CTNNA2: variants seen among roughly 807,000 people sequenced by gnomAD.
CTNNA2 encodes catenin alpha 2.
Under a neutral mutation model 101.0 loss-of-function variants are expected in CTNNA2, and 42 were observed. That is an observed-to-expected ratio of 0.42 (90% confidence interval 0.32 to 0.54). CTNNA2 has a LOEUF of 0.54. Among genes scored for constraint, CTNNA2 ranks in the 20% least tolerant of loss-of-function variants. The pLI is 0.14. For missense variants in CTNNA2, 871 were observed against 1,223.1 expected (o/e 0.71, Z 4.29); for synonymous variants, 450 against 456.4 (o/e 0.99, Z 0.18).
chr2:79,805,977 A>G (rs1476124669), intron 3 of CTNNA2, among the ~76,000 whole-genome samples: 2 of 152,042 alleles, frequency 1.3e-5, no homozygotes, highest in Non-Finnish European at 2.9e-5. Context: ...AAGAAAGAAT[A>G]GCCTATAATT....
chr2:79,317,153 C>T (rs1162583710), intron 3 of CTNNA2, among the ~76,000 whole-genome samples: 1 of 151,976 alleles, frequency 6.6e-6, no homozygotes. Flanking sequence ...CTTCCTGCAT[C>T]TATTGGGATA....
intron 7 of CTNNA2, among the ~76,000 whole-genome samples, chr2:80,103,375 G>A (rs1053654922): frequency 7.9e-5 from 12 of 152,032 alleles, no homozygotes; most frequent in African/African-American, 2.7e-4. Context: ...GTCTTAGAAG[G>A]ACACGAGTCC....
At chr2:80,496,605 G>T (rs1451401030) in intron 9 of CTNNA2, among the ~76,000 whole-genome samples, 1 of 151,882 alleles carries the variant, frequency 6.6e-6, no homozygotes, top group Non-Finnish European at 1.5e-5. Flanking sequence ...TCTGGTCAGG[G>T]TAAAGATGAA....
Position 80,640,301 on chromosome 2 carries a change from T to A in CTNNA2, c.2575-7284T>A, listed in dbSNP as rs78404797. 2.0e-3 allele frequency among the ~76,000 whole-genome samples: 303 copies of A among 152,276 alleles called. 2 individuals carry two copies. Among genetic ancestry groups the A allele is most frequent in the African/African-American group, 6.5e-3 (271 of 41,570 alleles). ...AATAAGTTTCCTTTCCCACACTACT[T>A]AGCAGATTCTGAAGGAGCAAGGTGC... On this transcript the variant is annotated intron_variant, in intron 18 of 18. Transcript: ENST00000402739.
At chr2:79,496,737 ATAAC>A (rs769010925) in intron 4 of CTNNA2, among the ~76,000 whole-genome samples, 6 of 151,768 alleles carry the variant, frequency 4.0e-5, no homozygotes, top group Non-Finnish European at 2.9e-5. Context: ...TTATTTATCT[ATAAC>A]TACCCTTTGA....
At chr2:80,283,384 C>T (rs1417851497) in intron 7 of CTNNA2, among the ~76,000 whole-genome samples, 2 of 152,072 alleles carry the variant, frequency 1.3e-5, no homozygotes, top group African/African-American at 4.8e-5. Context: ...TCGATCATTA[C>T]AAATTGTATA....
rs1674292054 is a variant in CTNNA2 at position 80,647,994 on chromosome 2, C to T, written c.*122C>T. ...CTCTGGCATGGGGAAATTAAGGGAA[C>T]AGTGTCTGTTTGCATGTAAGATGAG... On this transcript the variant is annotated 3_prime_UTR_variant, in exon 19 of 19. Coordinates refer to ENST00000402739, the MANE Select transcript of CTNNA2 (RefSeq NM_001282597.3). The T allele has an allele frequency of 2.2e-6, 2 of 910,478 alleles. No individual in the cohort carries two copies. The highest frequency in any genetic ancestry group is 5.8e-5 in the Admixed American group (2 of 34,774). The allele number at this position is 910,478 out of a possible 1,614,324, so 56.4% of individuals were successfully genotyped here. A position where few individuals can be genotyped will look rare whatever the true frequency, so the allele number is the denominator to read the frequency against.
intron 7 of CTNNA2, among the ~76,000 whole-genome samples, chr2:79,922,271 C>A (rs1574318835): frequency 6.6e-6 from 1 of 152,098 alleles, no homozygotes; most frequent in African/African-American, 2.4e-5. Context: ...AAGAAGACAT[C>A]ATTTGCATAT....
intron 2 of CTNNA2, among the ~76,000 whole-genome samples, chr2:79,711,933 T>C (rs1685765421): frequency 6.6e-6 from 1 of 152,174 alleles, no homozygotes; most frequent in Non-Finnish European, 1.5e-5. Context: ...TTTAAAAAGA[T>C]AGATAGCATT....
chr2:80,468,424 A>G (rs1195973474), intron 9 of CTNNA2, among the ~76,000 whole-genome samples: 2 of 150,374 alleles, frequency 1.3e-5, no homozygotes, highest in African/African-American at 5.0e-5. Flanking sequence ...TTATTTATTT[A>G]TTTATTTTTT....
chr2:79,502,796 C>T (rs1671334243), intron 4 of CTNNA2, among the ~76,000 whole-genome samples: 1 of 152,208 alleles, frequency 6.6e-6, no homozygotes, highest in Non-Finnish European at 1.5e-5. Flanking sequence ...TCCTAAATAA[C>T]AGAAGCTTAG....
At chr2:79,813,608 C>G (rs565827654) in intron 3 of CTNNA2, among the ~76,000 whole-genome samples, 1 of 152,178 alleles carries the variant, frequency 6.6e-6, no homozygotes, top group African/African-American at 2.4e-5. Flanking sequence ...ACGTAAAGTT[C>G]TAGAGCTAAA....
chr2:79,328,986 G>T (rs529830313), intron 3 of CTNNA2, among the ~76,000 whole-genome samples: 1 of 152,030 alleles, frequency 6.6e-6, no homozygotes, highest in Non-Finnish European at 1.5e-5. Context: ...GTTCCCTCTG[G>T]GTGTCTGTGT....
intron 9 of CTNNA2, among the ~76,000 whole-genome samples, chr2:80,537,541 C>T (rs1340552267): frequency 1.3e-5 from 2 of 152,002 alleles, no homozygotes; most frequent in African/African-American, 4.8e-5. Flanking sequence ...CTCCCACCAA[C>T]AGTGTAAAAG....
intron 4 of CTNNA2, among the ~76,000 whole-genome samples, chr2:79,453,187 A>C (rs1670776188): frequency 6.6e-6 from 1 of 152,120 alleles, no homozygotes; most frequent in African/African-American, 2.4e-5. Flanking sequence ...TTAACAATTA[A>C]TGTCTTATAT....
At chr2:80,037,445 A>C (rs1695741323) in intron 7 of CTNNA2, among the ~76,000 whole-genome samples, 1 of 152,146 alleles carries the variant, frequency 6.6e-6, no homozygotes, top group Non-Finnish European at 1.5e-5. Context: ...TGATAATTTT[A>C]TTACTACTCG....
chr2:79,934,367 T>C (rs533608263), intron 7 of CTNNA2, among the ~76,000 whole-genome samples: 29 of 152,362 alleles, frequency 1.9e-4, no homozygotes, highest in African/African-American at 7.0e-4. Context: ...ATAGCAATAA[T>C]AATTTGCCTA....
chr2:79,913,474 T>G (rs1447188198), intron 7 of CTNNA2, among the ~76,000 whole-genome samples: 1 of 152,090 alleles, frequency 6.6e-6, no homozygotes, highest in East Asian at 1.9e-4. Context: ...TATACAGAAT[T>G]TGACTTTCAT....
intron 2 of CTNNA2, among the ~76,000 whole-genome samples, chr2:79,231,035 G>A (rs1490207357): frequency 1.3e-5 from 2 of 152,176 alleles, no homozygotes. Flanking sequence ...GGAGAAGGGA[G>A]TTGTATTGTC....
Sources: allele counts gnomAD v4.1 joint callset (sites outside exome capture counted in the v4.1 genomes callset), GRCh38; gene constraint gnomAD v4.1.1; transcripts MANE v1.5; gene names NCBI Gene and HGNC (gene_info 2026-07-23, HGNC 2026-07-21).